ENPP2: variants seen among roughly 807,000 people sequenced by gnomAD.
ENPP2 encodes autotaxin.
ENPP2 carries 51 observed loss-of-function variants against 120.2 expected under a neutral mutation model. The observed-to-expected ratio is 0.42, with a 90% confidence interval of 0.34 to 0.54. The LOEUF is 0.54. Ranked by LOEUF, ENPP2 falls within the 20% of genes least tolerant of loss-of-function variation. The probability of loss-of-function intolerance (pLI) is 0.04; values close to 1 mark genes in which losing one functional copy is unlikely to be tolerated. For synonymous variants in ENPP2, 365 were observed against 366.4 expected (o/e 1.00, Z 0.04); for missense variants, 920 against 1,066.5 (o/e 0.86, Z 1.91).
intron 1 of ENPP2, among the ~76,000 whole-genome samples, chr8:119,655,481 C>G (rs986966315): frequency 2.0e-5 from 3 of 152,180 alleles, no homozygotes; most frequent in Admixed American, 2.0e-4. Context: ...CTTGGATGCT[C>G]ACTAGCTCTA....
At chr8:119,597,298 T>C (rs1359057624) in intron 11 of ENPP2, among the ~76,000 whole-genome samples, 1 of 152,208 alleles carries the variant, frequency 6.6e-6, no homozygotes, top group Non-Finnish European at 1.5e-5. Flanking sequence ...ACTGAATACA[T>C]TCTGCTAGCG....
intron 24 of ENPP2, among the ~76,000 whole-genome samples, chr8:119,559,392 CT>C (rs1215141080): frequency 2.0e-5 from 3 of 152,078 alleles, no homozygotes; most frequent in Non-Finnish European, 4.4e-5. Context: ...AAGGTTTTTC[CT>C]AATTTAAATG....
chr8:119,624,047 A>G (rs1816100157), intron 3 of ENPP2, among the ~76,000 whole-genome samples: 1 of 152,012 alleles, frequency 6.6e-6, no homozygotes. Context: ...GGTTGCTTTG[A>G]CTCTAGATAT....
intron 5 of ENPP2, chr8:119,618,148 A>G (rs1334642320): frequency 2.8e-6 from 1 of 363,014 alleles, no homozygotes; most frequent in Non-Finnish European, 5.4e-6. Context: ...TAACACAGTG[A>G]CCTGTTATTA....
intron 9 of ENPP2, among the ~76,000 whole-genome samples, chr8:119,605,704 GT>G (rs1392728659): frequency 8.7e-6 from 1 of 114,706 alleles, no homozygotes; most frequent in Admixed American, 8.5e-5. Context: ...CTGACCTCAG[GT>G]GATCTGCCCA....
intron 1 of ENPP2, among the ~76,000 whole-genome samples, chr8:119,663,101 A>T (rs1328924408): frequency 3.4e-5 from 5 of 148,390 alleles, no homozygotes. Context: ...TGGGCAACAC[A>T]GTGAGAGACT....
chr8:119,616,324 C>T lies in ENPP2; in HGVS notation c.718G>A (p.Ala240Thr), dbSNP rs1224671586. 6.2e-7 allele frequency: 1 copy of T among 1,609,388 alleles called. No homozygotes were observed. The highest frequency in any genetic ancestry group is 8.5e-7 in the Non-Finnish European group (1 of 1,176,516). ...TCTCGCCCTCGCAGATGAAAAGTGGCATCAAATACAGGATCATACATTGAA... is the reference window on the plus strand; with the variant it reads ...TCTCGCCCTCGCAGATGAAAAGTGGTATCAAATACAGGATCATACATTGAA... ...GNSMYDPVFD[A>T]TFHLRGREKF... The change falls in exon 8 of 25, where the codon GCC (alanine) becomes ACC (threonine). Residue 240 changes from alanine to threonine, a missense_variant. Coordinates refer to ENST00000075322, the MANE Select transcript of ENPP2 (RefSeq NM_001040092.3).
chr8:119,658,061 G>A (rs1023921605), intron 1 of ENPP2, among the ~76,000 whole-genome samples: 1 of 152,146 alleles, frequency 6.6e-6, no homozygotes, highest in East Asian at 1.9e-4. Flanking sequence ...TGCTTGCAGA[G>A]GAAGTTTAAT....
chr8:119,652,107 C>T (rs151169749), intron 1 of ENPP2, among the ~76,000 whole-genome samples: 7 of 152,190 alleles, frequency 4.6e-5, no homozygotes, highest in South Asian at 4.2e-4. Context: ...GGGAGGTTTA[C>T]GATCAAGGCA....
intron 1 of ENPP2, among the ~76,000 whole-genome samples, chr8:119,673,079 C>T (rs1189348734): frequency 1.3e-5 from 2 of 152,210 alleles, no homozygotes; most frequent in African/African-American, 2.4e-5. Context: ...TTGAGCTCCG[C>T]ATTTGCGCGC....
chr8:119,648,498 C>T (rs932299187), intron 1 of ENPP2, among the ~76,000 whole-genome samples: 3 of 152,086 alleles, frequency 2.0e-5, no homozygotes, highest in African/African-American at 7.2e-5. Context: ...TAATAAAGCC[C>T]CTCTACTTGG....
At chr8:119,623,749 C>T (rs527250347) in intron 3 of ENPP2, among the ~76,000 whole-genome samples, 1 of 152,054 alleles carries the variant, frequency 6.6e-6, no homozygotes, top group East Asian at 1.9e-4. Flanking sequence ...ACTCAGCTTC[C>T]CAAGAAACTG....
At chr8:119,617,596 A>C (rs368157568) in intron 5 of ENPP2, 33 bp from the exon 6 acceptor site, 2 of 1,455,764 alleles carry the variant, frequency 1.4e-6, no homozygotes, top group African/African-American at 2.8e-5. Flanking sequence ...TTTTAGAAAC[A>C]TTATTACCAG....
intron 8 of ENPP2, among the ~76,000 whole-genome samples, chr8:119,612,979 G>C (rs1815216853): frequency 6.6e-6 from 1 of 152,182 alleles, no homozygotes; most frequent in Non-Finnish European, 1.5e-5. Flanking sequence ...AGGAGACTTG[G>C]ATCATGATGG....
intron 1 of ENPP2, among the ~76,000 whole-genome samples, chr8:119,650,212 C>T (rs769110662): frequency 7.2e-5 from 11 of 152,084 alleles, no homozygotes; most frequent in Non-Finnish European, 1.2e-4. Context: ...GAAAACATTA[C>T]GCTGGGTGAA....
chr8:119,579,303 C>T (rs753532585), intron 19 of ENPP2, among the ~76,000 whole-genome samples: 3 of 152,226 alleles, frequency 2.0e-5, no homozygotes, highest in African/African-American at 4.8e-5. Context: ...TACTTCCCTA[C>T]ACCATTGGTA....
At chr8:119,595,759 C>T (rs1813840257) in intron 11 of ENPP2, 1 of 1,329,984 alleles carries the variant, frequency 7.5e-7, no homozygotes, top group Non-Finnish European at 1.1e-6. Flanking sequence ...CTAAAACTTG[C>T]TCAGCCGATT....
intron 5 of ENPP2, chr8:119,618,331 A>G: frequency 4.2e-6 from 2 of 478,580 alleles, no homozygotes; most frequent in Non-Finnish European, 8.4e-6. Context: ...CCTCTGTATA[A>G]GAGAATCCAA....
In ENPP2 at chr8:119,630,342, A is replaced by G. The variant is rs1210318023; in HGVS notation, c.137-3622T>C. 2.0e-5 allele frequency among the ~76,000 whole-genome samples: 3 copies of G among 152,158 alleles called. No individual in the cohort carries two copies. In the East Asian group the frequency reaches 5.8e-4, roughly 29 times the overall value. ...AGGCTGGTCTTTAACTCCTGACCTC[A>G]GGTGATCCACCTACTTTGGCCTTCC... On this transcript the variant is annotated intron_variant, in intron 2 of 24. Coordinates refer to ENST00000075322, the MANE Select transcript of ENPP2 (RefSeq NM_001040092.3).
Sources: allele counts gnomAD v4.1 joint callset (sites outside exome capture counted in the v4.1 genomes callset), GRCh38; gene constraint gnomAD v4.1.1; transcripts MANE v1.5; gene names NCBI Gene and HGNC (gene_info 2026-07-23, HGNC 2026-07-21).